The following RAB15 variants were observed in gnomAD, a reference collection of about 807,000 sequenced individuals.
The protein encoded by RAB15 is RAB15, member RAS oncogene family.
Under a neutral mutation model 31.8 loss-of-function variants are expected in RAB15, and 13 were observed. The observed-to-expected ratio is 0.41, with a 90% CI of 0.27 to 0.65. RAB15 has a LOEUF of 0.65. RAB15 is among the 30% of genes least tolerant of loss of function. RAB15 has a pLI of 0.32. For synonymous variants in RAB15, 100 were observed against 105.6 expected, an observed-to-expected ratio of 0.95 and a Z score of 0.33; for missense variants, 220 against 277.3, an observed-to-expected ratio of 0.79 and a Z score of 1.47.
In RAB15 at chr14:64,951,345, G is replaced by A. The variant is rs937555231; in HGVS notation, c.247-194C>T. 6.6e-6 allele frequency among the ~76,000 whole-genome samples: 1 copy of A among 152,176 alleles called. No individual in the cohort carries two copies. The highest frequency in any genetic ancestry group is 2.4e-5 in the African/African-American group (1 of 41,444). Reference sequence around the variant, plus strand: ...ATCACAGAACTCTCTACAGCAGGAAGACACCACATGCTTTGACCTGGATCT... The same window carrying A: ...ATCACAGAACTCTCTACAGCAGGAAAACACCACATGCTTTGACCTGGATCT... On this transcript the variant is annotated intron_variant, in intron 3 of 6. Coordinates refer to ENST00000533601, the MANE Select transcript of RAB15 (RefSeq NM_001308154.2). This position sits in a 1 kb window ranked among gnomAD's most constrained non-coding sequence, Gnocchi z 7.2.
rs1384611864 is a variant in RAB15, at chr14:64,972,181, A to G, written c.-105T>C. The stretch of plus-strand genomic sequence containing the variant: ...CCGCCCGGGGACGCTGCGGGCGGCG[A>G]GGAGGACGCCGGGCCCGGCCCCCGC... On this transcript the variant is annotated 5_prime_UTR_variant, in exon 1 of 7. Transcript: ENST00000533601. The surrounding 1 kb of genome is among the most constrained non-coding windows in gnomAD (Gnocchi z 6.3). The G allele has an allele frequency of 3.5e-5, 34 of 980,398 alleles. 1 individual carries two copies. The highest frequency in any genetic ancestry group is 2.8e-4 in the African/African-American group (16 of 57,254). The allele number at this position is 980,398 out of a possible 1,614,324, so 60.7% of individuals were successfully genotyped here. A position where few individuals can be genotyped will look rare whatever the true frequency, so the allele number is the denominator to read the frequency against.
At position 64,968,779 on chromosome 14, in the gene RAB15, C is replaced by T. The variant is rs532659282; in HGVS notation, c.124+3174G>A. 6.6e-6 allele frequency among the ~76,000 whole-genome samples: 1 copy of T among 152,296 alleles called. No homozygotes were observed. Among genetic ancestry groups the T allele is most frequent in the Non-Finnish European group, 1.5e-5 (1 of 68,032 alleles). Reference sequence around the variant, plus strand: ...TGTTTAAGGTAGTATTTTGGGGACCCCTTCGCACCAACCCCCAGCCAGGCC... The same window carrying T: ...TGTTTAAGGTAGTATTTTGGGGACCTCTTCGCACCAACCCCCAGCCAGGCC... On this transcript the variant is annotated intron_variant, in intron 1 of 6. Transcript: ENST00000533601. This position sits in a 1 kb window ranked among gnomAD's most constrained non-coding sequence, Gnocchi z 4.9.
Position 64,951,065 on chromosome 14 carries a change from A to G in RAB15, c.324+9T>C. On this transcript the variant is annotated intron_variant, in intron 4 of 6. Transcript: ENST00000533601. This position sits in a 1 kb window ranked among gnomAD's most constrained non-coding sequence, Gnocchi z 7.2. ...CTCCACACCCCGGCAGTGAGGTGGC[A>G]TCTCCTACCTCATCCACGTCACTGA... 5 of 1,613,192 alleles carry G rather than the reference A, an allele frequency of 3.1e-6. No homozygotes were observed. The highest frequency in any genetic ancestry group is 4.2e-6 in the Non-Finnish European group (5 of 1,179,982).
At position 64,952,341 on chromosome 14, in the gene RAB15, G is replaced by A. The variant is rs1249224470; in HGVS notation, c.185+170C>T. On this transcript the variant is annotated intron_variant, in intron 2 of 6. Transcript: ENST00000533601. The surrounding 1 kb of genome is among the most constrained non-coding windows in gnomAD (Gnocchi z 4.2). ...CCCCTAAAGTTTCTTAGAGGTTGGA[G>A]ATTAAGGCTTATAGGAAGAGATGGG... Among the ~76,000 whole-genome samples the A allele has an allele frequency of 6.6e-6, 1 of 152,216 alleles. No homozygotes were observed. Among genetic ancestry groups the A allele is most frequent in the African/African-American group, 2.4e-5 (1 of 41,456 alleles).
In RAB15 at chr14:64,952,701, G is replaced by T. The variant is rs1432903959; in HGVS notation, c.125-130C>A. 2 of 613,954 alleles carry T rather than the reference G, an allele frequency of 3.3e-6. No homozygotes were observed. The highest frequency in any genetic ancestry group is 6.0e-5 in the East Asian group (2 of 33,394). The allele number at this position is 613,954 out of a possible 1,614,324, so 38.0% of individuals were successfully genotyped here. On this transcript the variant is annotated intron_variant, in intron 1 of 6. Transcript: ENST00000533601. This position sits in a 1 kb window ranked among gnomAD's most constrained non-coding sequence, Gnocchi z 4.2. Reference sequence around the variant, plus strand: ...GGCAAAGGGATGAAGTAATGTAAAGGCCTTCTTTAAGCAGAAACTGACCTT... The same window carrying T: ...GGCAAAGGGATGAAGTAATGTAAAGTCCTTCTTTAAGCAGAAACTGACCTT...
At chr14:64,963,636 A>G (rs1328315387) in intron 1 of RAB15, among the ~76,000 whole-genome samples, 1 of 152,224 alleles carries the variant, frequency 6.6e-6, no homozygotes, top group East Asian at 1.9e-4. Flanking sequence ...TCTTAGAAAG[A>G]AGGGGGCTTC....
rs770092829 is a variant in RAB15, at chr14:64,962,315, T to C, written c.124+9638A>G. On this transcript the variant is annotated intron_variant, in intron 1 of 6. Coordinates refer to ENST00000533601, the MANE Select transcript of RAB15 (RefSeq NM_001308154.2). This position sits in a 1 kb window ranked among gnomAD's most constrained non-coding sequence, Gnocchi z 4.2. ...AACAGAAGTCCTCTAGGAAAATGCA[T>C]TCATTCATTCCTTCATTTGTTAATT... 1.2e-4 allele frequency among the ~76,000 whole-genome samples: 19 copies of C among 152,224 alleles called. 1 individual carries two copies. The highest frequency in any genetic ancestry group is 2.6e-4 in the Non-Finnish European group (18 of 68,036).
In RAB15 at chr14:64,951,388, G is replaced by A. The variant is rs917531807; in HGVS notation, c.246+215C>T. ...CTGGATCTTTGACCCAGGATGGAGGGTGGAAGTCAGGGGTGAGGGCAGGGG... is the reference window on the plus strand; with the variant it reads ...CTGGATCTTTGACCCAGGATGGAGGATGGAAGTCAGGGGTGAGGGCAGGGG... On this transcript the variant is annotated intron_variant, in intron 3 of 6. Coordinates refer to ENST00000533601, the MANE Select transcript of RAB15 (RefSeq NM_001308154.2). The surrounding 1 kb of genome is among the most constrained non-coding windows in gnomAD (Gnocchi z 7.2). Among the ~76,000 whole-genome samples, 2 of 152,198 alleles carry A rather than the reference G, an allele frequency of 1.3e-5. No individual in the cohort carries two copies. The highest frequency in any genetic ancestry group is 4.8e-5 in the African/African-American group (2 of 41,444).
chr14:64,950,297 G>T lies in RAB15; in HGVS notation c.414+28C>A. The T allele has an allele frequency of 6.3e-7, 1 of 1,586,120 alleles. No homozygotes were observed. Among genetic ancestry groups the T allele is most frequent in the Non-Finnish European group, 8.7e-7 (1 of 1,154,910 alleles). ...CCTGGAGGCCCAGCAGAGGACCTGG[G>T]GTGGACTTGCCTTTTCCCTCCACTT... is the stretch of plus-strand genomic sequence containing the variant. On this transcript the variant is annotated intron_variant, in intron 5 of 6. Transcript: ENST00000533601. This position sits in a 1 kb window ranked among gnomAD's most constrained non-coding sequence, Gnocchi z 5.6.
chr14:64,950,496 G>T lies in RAB15; in HGVS notation c.325-82C>A. On this transcript the variant is annotated intron_variant, in intron 4 of 6. Transcript: ENST00000533601. The surrounding 1 kb of genome is among the most constrained non-coding windows in gnomAD (Gnocchi z 5.6). ...CCCTACAGAGTCTGCACTGCCTCCA[G>T]CCCACCACCAATTCCAGAGCCCTAG... 2 of 1,139,440 alleles carry T rather than the reference G, an allele frequency of 1.8e-6. No individual in the cohort carries two copies. The highest frequency in any genetic ancestry group is 2.7e-6 in the Non-Finnish European group (2 of 754,494). The allele number at this position is 1,139,440 out of a possible 1,614,324, so 70.6% of individuals were successfully genotyped here.
chr14:64,956,750 G>A (rs1886597631), intron 1 of RAB15, among the ~76,000 whole-genome samples: 1 of 147,086 alleles, frequency 6.8e-6, no homozygotes. Flanking sequence ...CATAATTTGA[G>A]GGTGAGGCCC....
rs184696870 is a variant in RAB15, at chr14:64,952,085, C to T, written c.186-422G>A. ...CCTGGCAAAGGCAGTGCTTCCAAGACCTCAGGCAGAGAGCCACAGCAGCAC... is the reference window on the plus strand; with the variant it reads ...CCTGGCAAAGGCAGTGCTTCCAAGATCTCAGGCAGAGAGCCACAGCAGCAC... On this transcript the variant is annotated intron_variant, in intron 2 of 6. Transcript: ENST00000533601. This position sits in a 1 kb window ranked among gnomAD's most constrained non-coding sequence, Gnocchi z 4.2. Among the ~76,000 whole-genome samples, 195 of 152,296 alleles carry T rather than the reference C, an allele frequency of 1.3e-3. 7 individuals are homozygous for T. Among genetic ancestry groups the T allele is most frequent in the Non-Finnish European group, 1.1e-3 (78 of 68,004 alleles).
Position 64,955,869 on chromosome 14 carries a change from T to C in RAB15, c.125-3298A>G, listed in dbSNP as rs1044727823. ...ATTCTCCATCTATCTCTGCCTCCAGTGGTTTCACATTCCGGCTCCTCTAAG... is the reference window on the plus strand; with the variant it reads ...ATTCTCCATCTATCTCTGCCTCCAGCGGTTTCACATTCCGGCTCCTCTAAG... On this transcript the variant is annotated intron_variant, in intron 1 of 6. Transcript: ENST00000533601. The surrounding 1 kb of genome is among the most constrained non-coding windows in gnomAD (Gnocchi z 4.4). 6.6e-6 allele frequency among the ~76,000 whole-genome samples: 1 copy of C among 152,208 alleles called. No homozygotes were observed. The highest frequency in any genetic ancestry group is 2.4e-5 in the African/African-American group (1 of 41,454).
Position 64,948,434 on chromosome 14 carries a change from C to T in RAB15, c.559G>A (p.Glu187Lys), listed in dbSNP as rs1045444691. Reference sequence around the variant, plus strand: ...TCCTCCAGCTCTGCCAGTGCCAACTCATTGCTGGCACGCATCCGGAGGCCT... The same window carrying T: ...TCCTCCAGCTCTGCCAGTGCCAACTTATTGCTGGCACGCATCCGGAGGCCT... ...LEGLRMRASN[E>K]LALAELEEEE... The change falls in exon 7 of 7, where the codon GAG becomes AAG. Residue 187 changes from glutamate to lysine, a missense_variant. By Grantham distance (56) the Glu-to-Lys change is moderately conservative. Coordinates refer to ENST00000533601, the MANE Select transcript of RAB15 (RefSeq NM_001308154.2). This position sits in a 1 kb window ranked among gnomAD's most constrained non-coding sequence, Gnocchi z 7.0. The T allele has an allele frequency of 1.9e-6, 3 of 1,613,872 alleles. No individual in the cohort carries two copies. The highest frequency in any genetic ancestry group is 2.5e-6 in the Non-Finnish European group (3 of 1,179,894).
chr14:64,963,878 C>G (rs1886983488), intron 1 of RAB15, among the ~76,000 whole-genome samples: 1 of 152,224 alleles, frequency 6.6e-6, no homozygotes. Flanking sequence ...AGACTCCACT[C>G]AAATGTCACT....
At chr14:64,964,774 A>G (rs897859134) in intron 1 of RAB15, among the ~76,000 whole-genome samples, 1 of 151,834 alleles carries the variant, frequency 6.6e-6, no homozygotes, top group Non-Finnish European at 1.5e-5. Context: ...ATGAGGTTTC[A>G]CTATGTTGGC....
chr14:64,951,095 C>A lies in RAB15; in HGVS notation c.303G>T (p.Lys101Asn). 6.2e-7 allele frequency: 1 copy of A among 1,613,114 alleles called. No individual in the cohort carries two copies. ...CTACCTCATCCACGTCACTGACCCA[C>A]TTCATGATGTGCTGGTAAGAGCGCT... ...SSERSYQHIM[K>N]WVSDVDEYAP... The change falls in exon 4 of 7, where the codon AAG (lysine) becomes AAT (asparagine). Residue 101 changes from lysine to asparagine, a missense_variant. By Grantham distance (94) the Lys-to-Asn change is moderately conservative. Coordinates refer to ENST00000533601, the MANE Select transcript of RAB15 (RefSeq NM_001308154.2). The surrounding 1 kb of genome is among the most constrained non-coding windows in gnomAD (Gnocchi z 7.2).
At position 64,953,951 on chromosome 14, in the gene RAB15, G is replaced by T. The variant is rs567684314; in HGVS notation, c.125-1380C>A. On this transcript the variant is annotated intron_variant, in intron 1 of 6. Transcript: ENST00000533601. This position sits in a 1 kb window ranked among gnomAD's most constrained non-coding sequence, Gnocchi z 4.6. The stretch of plus-strand genomic sequence containing the variant: ...CCATCACCACTGCCACTCCACCTCC[G>T]CATCAGTTATTTGCCAAATGGGAGA... 1.0e-6 allele frequency: 1 copy of T among 985,248 alleles called. No individual in the cohort carries two copies. The highest frequency in any genetic ancestry group is 1.2e-6 in the Non-Finnish European group (1 of 829,920). The allele number at this position is 985,248 out of a possible 1,614,324, so 61.0% of individuals were successfully genotyped here.
chr14:64,960,223 G>A (rs775246315), intron 1 of RAB15, among the ~76,000 whole-genome samples: 65 of 152,198 alleles, frequency 4.3e-4, no homozygotes, highest in Non-Finnish European at 8.4e-4. Context: ...TGCAGCAGGC[G>A]AGACACCCAG....
Sources: allele counts gnomAD v4.1 joint callset (sites outside exome capture counted in the v4.1 genomes callset), GRCh38; gene constraint gnomAD v4.1.1; non-coding constraint Gnocchi (gnomAD v3.1); transcripts MANE v1.5; gene names NCBI Gene and HGNC (gene_info 2026-07-23, HGNC 2026-07-21).